Variants in TTLL12 observed in about 807,000 individuals in gnomAD.
TTLL12 encodes the protein tubulin--tyrosine ligase-like protein 12.
TTLL12 carries 77 observed loss-of-function variants against 79.6 expected under a neutral mutation model. The ratio of observed to expected loss-of-function variants is 0.97; its 90% CI spans 0.81 to 1.17. The LOEUF is 1.17. Ranked by LOEUF, TTLL12 falls within the 50% of genes most tolerant of loss-of-function variation. The pLI is 0.00. For missense variants in TTLL12, 969 were observed against 895.9 expected, an observed-to-expected ratio of 1.08 and a Z score of -1.04; for synonymous variants, 437 against 376.1, an observed-to-expected ratio of 1.16 and a Z score of -1.87.
rs780210106 is a variant in TTLL12 at position 43,179,888 on chromosome 22, T to C, written c.659A>G (p.Gln220Arg). ...GGGCCACAGCAGCGTGTAGGCCACC[T>C]GCTGCGGCATGTAGAAGAAGGGTGC... Reference protein sequence around the residue: ...ATAPFFYMPQQVAYTLLWPLR... With the variant: ...ATAPFFYMPQRVAYTLLWPLR... Residue 220 changes from glutamine (Q) to arginine (R), a missense_variant, in exon 4 of 14, where the codon CAG (glutamine) becomes CGG (arginine). Physicochemically the swap from Gln to Arg is conservative, Grantham distance 43. Coordinates refer to ENST00000216129, the MANE Select transcript of TTLL12 (RefSeq NM_015140.4). 3 of 1,610,538 alleles carry C rather than the reference T, an allele frequency of 1.9e-6. No homozygotes were observed. The East Asian group carries it at 6.7e-5, about 36-fold the overall frequency.
rs1221901842 is a variant in TTLL12 at position 43,171,678 on chromosome 22, G to A, written c.1575+141C>T. 1.3e-5 allele frequency: 8 copies of A among 639,182 alleles called. 1 individual carries two copies. Among genetic ancestry groups the A allele is most frequent in the East Asian group, 1.1e-4 (4 of 36,484 alleles). The allele number at this position is 639,182 out of a possible 1,614,324, so 39.6% of individuals were successfully genotyped here. On this transcript the variant is annotated intron_variant, in intron 11 of 13. Coordinates refer to ENST00000216129, the MANE Select transcript of TTLL12 (RefSeq NM_015140.4). Reference sequence around the variant, plus strand: ...GCTCATGATGGCAGCGCTAACAATCGCCTTCCATAGCAGGAACTCAGGAGG... The same window carrying A: ...GCTCATGATGGCAGCGCTAACAATCACCTTCCATAGCAGGAACTCAGGAGG...
intron 11 of TTLL12, 37 bp from the exon 12 acceptor site, chr22:43,169,605 G>C: frequency 6.2e-7 from 1 of 1,605,000 alleles, no homozygotes; most frequent in South Asian, 1.1e-5. Context: ...CTCTGTACAG[G>C]CCTCCGCTGG....
chr22:43,182,475 G>C (rs535136188), intron 2 of TTLL12, among the ~76,000 whole-genome samples: 1 of 152,356 alleles, frequency 6.6e-6, no homozygotes, highest in Admixed American at 6.5e-5. Context: ...CTGACCTAGG[G>C]ATAGCCACTC....
intron 8 of TTLL12, among the ~76,000 whole-genome samples, 167 bp downstream of exon 8, chr22:43,174,042 C>G (rs1931834480): frequency 6.6e-6 from 1 of 152,176 alleles, no homozygotes; most frequent in African/African-American, 2.4e-5. Context: ...CAGCAAAAAC[C>G]TGGAGAGGTC....
chr22:43,168,184 T>G, intron 13 of TTLL12, 25 bp from the exon 14 acceptor site: 1 of 1,608,318 alleles, frequency 6.2e-7, no homozygotes, highest in Non-Finnish European at 8.5e-7. Flanking sequence ...CGCAGCAGAG[T>G]GTGAAGGCTC....
At chr22:43,184,014 C>T (rs575019062) in intron 1 of TTLL12, among the ~76,000 whole-genome samples, 3 of 152,358 alleles carry the variant, frequency 2.0e-5, no homozygotes, top group East Asian at 1.9e-4. Context: ...GATTCATACC[C>T]AGAACTCAGA....
chr22:43,180,658 C>T, intron 3 of TTLL12, 84 bp downstream of exon 3: 1 of 1,484,138 alleles, frequency 6.7e-7, no homozygotes, highest in African/African-American at 1.4e-5. Flanking sequence ...TGGCCGGCCC[C>T]TCACCCGGCC....
At chr22:43,182,010 AGC>A in intron 2 of TTLL12, among the ~76,000 whole-genome samples, 1 of 102,282 alleles carries the variant, frequency 9.8e-6, no homozygotes, top group South Asian at 4.4e-4. Context: ...AAGGCCCGGA[AGC>A]AGAAAGGCCC....
At position 43,166,823 on chromosome 22, in the gene TTLL12, G is replaced by C. The variant is rs47340; in HGVS notation, c.*1185C>G. The C allele has an allele frequency of 3.4e-5, 6 of 176,510 alleles. No homozygotes were observed. The highest frequency in any genetic ancestry group is 1.2e-4 in the African/African-American group (5 of 41,796). The allele number at this position is 176,510 out of a possible 1,614,324, so 10.9% of individuals were successfully genotyped here. ...ACAGAGAGGAGAGGCAGCATCATCA[G>C]GTGCAGCTTTGCTACAAGAAAGATA... is the stretch of plus-strand genomic sequence containing the variant. On this transcript the variant is annotated 3_prime_UTR_variant, in exon 14 of 14. Coordinates refer to ENST00000216129, the MANE Select transcript of TTLL12 (RefSeq NM_015140.4).
chr22:43,174,743 C>T (rs542246114), intron 6 of TTLL12, 128 bp from the exon 7 acceptor site: 67 of 691,790 alleles, frequency 9.7e-5, no homozygotes, highest in South Asian at 6.2e-4. Context: ...GTCCTGGGTT[C>T]GAGTCATGAT....
At chr22:43,186,195 C>CCCA (rs1555982120) in intron 1 of TTLL12, among the ~76,000 whole-genome samples, 10 of 147,840 alleles carry the variant, frequency 6.8e-5, no homozygotes, top group Non-Finnish European at 1.1e-4. Flanking sequence ...AAACACCCCC[C>CCCA]CCCCCGCCAG....
Position 43,167,248 on chromosome 22 carries a change from C to G in TTLL12, c.*760G>C, listed in dbSNP as rs751325667. 1.9e-6 allele frequency: 1 copy of G among 521,742 alleles called. No homozygotes were observed. Among genetic ancestry groups the G allele is most frequent in the South Asian group, 1.4e-5 (1 of 69,542 alleles). The allele number at this position is 521,742 out of a possible 1,614,324, so 32.3% of individuals were successfully genotyped here. On this transcript the variant is annotated 3_prime_UTR_variant, in exon 14 of 14. Transcript: ENST00000216129. ...GGCCCATCTCACACAAGGGCGGGAC[C>G]CCGTGGAGTGCCCGGCGAGCAGGGC... is the stretch of plus-strand genomic sequence containing the variant.
At position 43,171,942 on chromosome 22, in the gene TTLL12, C is replaced by T. The variant is rs905344376; in HGVS notation, c.1494-42G>A. 3.8e-6 allele frequency: 6 copies of T among 1,581,660 alleles called. No individual in the cohort carries two copies. In the African/African-American group the frequency reaches 8.1e-5, roughly 21 times the overall value. ...CAGACACATATGGGTTCTTGAGCGG[C>T]CTTGTCCCTGCGAGGGAGGTGCCAC... On this transcript the variant is annotated intron_variant, in intron 10 of 13. Transcript: ENST00000216129.
chr22:43,186,194 C>CCCCA (rs1555982117), intron 1 of TTLL12, among the ~76,000 whole-genome samples: 1 of 147,464 alleles, frequency 6.8e-6, no homozygotes, highest in Admixed American at 6.7e-5. Flanking sequence ...AAAACACCCC[C>CCCCA]CCCCCCGCCA....
rs558669150 is a variant in TTLL12, at chr22:43,173,826, C to A, written c.1230G>T (p.Trp410Cys). 122 of 1,602,128 alleles carry A rather than the reference C, an allele frequency of 7.6e-5. 1 individual carries two copies. The South Asian group carries it at 1.3e-3, about 17-fold the overall frequency. The change falls in exon 9 of 14, where the codon TGG (tryptophan) becomes TGT (cysteine). Residue 410 changes from tryptophan (W) to cysteine (C), a missense_variant and splice_region_variant. Transcript: ENST00000216129. ...TGCAGATCCAGTGGTTGTCCTCGCCCCTGGGGAGCAGAAGGGCTGTCTGGG... is the reference window on the plus strand; with the variant it reads ...TGCAGATCCAGTGGTTGTCCTCGCCACTGGGGAGCAGAAGGGCTGTCTGGG... Reference protein sequence around the residue: ...FVSYFQQRERWGEDNHWICKP... With the variant: ...FVSYFQQRERCGEDNHWICKP...
intron 11 of TTLL12, chr22:43,170,386 C>A (rs556265791): frequency 7.6e-4 from 130 of 170,528 alleles, no homozygotes; most frequent in Middle Eastern, 2.7e-3. Context: ...GTCACCAGTG[C>A]ATGGCAGGGC....
chr22:43,167,882 G>C lies in TTLL12; in HGVS notation c.*126C>G, dbSNP rs1489575051. 3 of 1,260,166 alleles carry C rather than the reference G, an allele frequency of 2.4e-6. No individual in the cohort carries two copies. The highest frequency in any genetic ancestry group is 4.7e-5 in the East Asian group (2 of 42,460). 78.1% of individuals were successfully genotyped at this position (1,260,166 alleles called of 1,614,324 possible). A position where few individuals can be genotyped will look rare whatever the true frequency, so the allele number is the denominator to read the frequency against. On this transcript the variant is annotated 3_prime_UTR_variant, in exon 14 of 14. Coordinates refer to ENST00000216129, the MANE Select transcript of TTLL12 (RefSeq NM_015140.4). ...GCCGGGAGGATGGCTCGGCAGGACA[G>C]AGGCCTGGGGCTGAGGCTATGCCCA... is the stretch of plus-strand genomic sequence containing the variant.
intron 11 of TTLL12, chr22:43,171,517 T>G: frequency 1.1e-5 from 3 of 279,842 alleles, no homozygotes; most frequent in South Asian, 6.8e-5. Flanking sequence ...TGGTGAGGAG[T>G]AAGCCCCGGC....
chr22:43,176,084 CA>C (rs1202781950), intron 6 of TTLL12, among the ~76,000 whole-genome samples: 186 of 138,726 alleles, frequency 1.3e-3, no homozygotes, highest in Admixed American at 1.4e-3. Flanking sequence ...GACTCTGTCT[CA>C]AAAAAAAAAA....
Sources: gnomAD v4.1 joint callset for allele counts (sites outside exome capture counted in the v4.1 genomes callset) on GRCh38, gnomAD v4.1.1 for gene constraint, MANE v1.5 for transcripts, NCBI Gene and HGNC (gene_info 2026-07-23, HGNC 2026-07-21) for gene names.